Variants in NEIL1 observed in about 807,000 individuals in gnomAD.
NEIL1 encodes endonuclease 8-like 1.
A neutral mutation model predicts 44.2 loss-of-function variants in NEIL1; 31 were observed. The observed-to-expected ratio is 0.70, with a 90% CI of 0.53 to 0.95. The LOEUF (loss-of-function observed/expected upper bound fraction) is 0.95. Ranked by LOEUF, NEIL1 falls within the 40% of genes least tolerant of loss-of-function variation. The pLI, the probability that NEIL1 is intolerant of heterozygous loss-of-function variation, is 0.00. For missense variants in NEIL1, 549 were observed against 515.5 expected, an observed-to-expected ratio of 1.07 and a Z score of -0.63; for synonymous variants, 254 against 209.7, an observed-to-expected ratio of 1.21 and a Z score of -1.83.
In NEIL1 at chr15:75,355,832, C is replaced by T; in HGVS notation, c.*798C>T. On this transcript the variant is annotated 3_prime_UTR_variant, in exon 10 of 10. Transcript: ENST00000355059. Reference sequence around the variant, plus strand: ...TTTATTCCACAAGAAAAGACTGATCCCTGCTTTAGGCTGGGGAAGCAGAAA... The same window carrying T: ...TTTATTCCACAAGAAAAGACTGATCTCTGCTTTAGGCTGGGGAAGCAGAAA... 6.4e-7 allele frequency: 1 copy of T among 1,566,738 alleles called. No individual in the cohort carries two copies. Among genetic ancestry groups the T allele is most frequent in the Non-Finnish European group, 8.7e-7 (1 of 1,144,336 alleles).
At chr15:75,352,492 G>A in intron 4 of NEIL1, 105 bp downstream of exon 4, 1 of 1,544,884 alleles carries the variant, frequency 6.5e-7, no homozygotes, top group East Asian at 2.3e-5. Context: ...CTCAACAACA[G>A]GGGTGGGGAG....
In NEIL1 at chr15:75,356,472, T is replaced by C; in HGVS notation, c.*1438T>C. 6.3e-7 allele frequency: 1 copy of C among 1,582,198 alleles called. No homozygotes were observed. Among genetic ancestry groups the C allele is most frequent in the Non-Finnish European group, 8.6e-7 (1 of 1,165,784 alleles). ...AGCCTGGGGTACGACCAGGAAACAA[T>C]GCTGGTGGAGAATGGGGGCTACCCT... On this transcript the variant is annotated 3_prime_UTR_variant, in exon 10 of 10. Transcript: ENST00000355059. The surrounding 1 kb of genome is among the most constrained non-coding windows in gnomAD (Gnocchi z 5.8).
Position 75,351,274 on chromosome 15 carries a change from C to CTTTTT in NEIL1, c.435-822_435-818dup, listed in dbSNP as rs11422837. The CTTTTT allele has an allele frequency of 3.6e-3, 1,288 of 361,380 alleles. 13 individuals are homozygous for CTTTTT. In the East Asian group the frequency reaches 0.05, roughly 14 times the overall value. 22.4% of individuals were successfully genotyped at this position (361,380 alleles called of 1,614,324 possible). ...CAACCTCATATACAACCTCATGTTGCTTTTTTTTTTTTTTTTTTTGAGACA... is the reference window on the plus strand; with the variant it reads ...CAACCTCATATACAACCTCATGTTGCTTTTTTTTTTTTTTTTTTTTTTTTGAGACA... On this transcript the variant is annotated intron_variant, in intron 2 of 9. Coordinates refer to ENST00000355059, the MANE Select transcript of NEIL1 (RefSeq NM_024608.4).
In NEIL1 at chr15:75,355,777, G is replaced by T; in HGVS notation, c.*743G>T. Reference sequence around the variant, plus strand: ...CAAGCGTGAGGATGGGCCCTAAGGGGACTGAGCAGCAGGGTTCCCGATCCA... The same window carrying T: ...CAAGCGTGAGGATGGGCCCTAAGGGTACTGAGCAGCAGGGTTCCCGATCCA... On this transcript the variant is annotated 3_prime_UTR_variant, in exon 10 of 10. Transcript: ENST00000355059. The T allele has an allele frequency of 8.9e-7, 1 of 1,120,362 alleles. No homozygotes were observed. The highest frequency in any genetic ancestry group is 2.5e-5 in the Admixed American group (1 of 40,388). The allele number at this position is 1,120,362 out of a possible 1,614,324, so 69.4% of individuals were successfully genotyped here.
intron 2 of NEIL1, among the ~76,000 whole-genome samples, chr15:75,350,234 G>A (rs1473172398): frequency 2.0e-5 from 3 of 152,220 alleles, no homozygotes; most frequent in African/African-American, 4.8e-5. Flanking sequence ...AAGAGGAAAC[G>A]TGTATGAGTC....
At chr15:75,349,745 C>A in intron 2 of NEIL1, 1 of 208,740 alleles carries the variant, frequency 4.8e-6, no homozygotes, top group Non-Finnish European at 1.0e-5. Flanking sequence ...GCCGGTGAGG[C>A]CGGGGTTGCA....
intron 2 of NEIL1, 34 bp downstream of exon 2, chr15:75,349,373 G>T: frequency 1.9e-6 from 3 of 1,557,708 alleles, no homozygotes; most frequent in East Asian, 2.3e-5. Flanking sequence ...GAACATAGTC[G>T]CGGGCTCCAC....
rs879212413 is a variant in NEIL1 at position 75,354,146 on chromosome 15, A to C, written c.847-104A>C. On this transcript the variant is annotated intron_variant, in intron 6 of 9. Coordinates refer to ENST00000355059, the MANE Select transcript of NEIL1 (RefSeq NM_024608.4). ...TGTCCTAGAGGCTTCCTAAGGGAGAAGCTACACTGATCTGGATGGGTGTGT... is the reference window on the plus strand; with the variant it reads ...TGTCCTAGAGGCTTCCTAAGGGAGACGCTACACTGATCTGGATGGGTGTGT... 36 of 1,327,088 alleles carry C rather than the reference A, an allele frequency of 2.7e-5. No homozygotes were observed. The South Asian group carries it at 3.3e-4, about 12-fold the overall frequency. 82.2% of individuals were successfully genotyped at this position (1,327,088 alleles called of 1,614,324 possible). A position where few individuals can be genotyped will look rare whatever the true frequency, so the allele number is the denominator to read the frequency against.
rs752590249 is a variant in NEIL1, at chr15:75,356,374, C to G, written c.*1340C>G. 1.9e-6 allele frequency: 3 copies of G among 1,611,668 alleles called. No individual in the cohort carries two copies. Among genetic ancestry groups the G allele is most frequent in the Non-Finnish European group, 2.5e-6 (3 of 1,179,222 alleles). ...ACTCCAGGAGGTGGCGGGCGCTGGG[C>G]TGGGGGCTGGCAGAGCCAACAGGGG... On this transcript the variant is annotated 3_prime_UTR_variant, in exon 10 of 10. Transcript: ENST00000355059. The surrounding 1 kb of genome is among the most constrained non-coding windows in gnomAD (Gnocchi z 5.8).
chr15:75,349,451 T>C (rs2141309883), intron 2 of NEIL1, 112 bp downstream of exon 2: 1 of 1,040,920 alleles, frequency 9.6e-7, no homozygotes. Context: ...GCCTCAGTTC[T>C]CTCATCTGCA....
intron 6 of NEIL1, 137 bp from the exon 7 acceptor site, chr15:75,354,113 A>T: frequency 9.0e-7 from 1 of 1,108,454 alleles, no homozygotes; most frequent in Non-Finnish European, 1.3e-6. Flanking sequence ...GGACTCTAAC[A>T]TGGGGGATGT....
Position 75,352,407 on chromosome 15 carries a change from G to C in NEIL1, c.618+20G>C. On this transcript the variant is annotated intron_variant, in intron 4 of 9. Transcript: ENST00000355059. Reference sequence around the variant, plus strand: ...AGGCCGGTAAGCCCAGAGAGGGATGGAGCACACGTGCTGGCACACTGGTGT... The same window carrying C: ...AGGCCGGTAAGCCCAGAGAGGGATGCAGCACACGTGCTGGCACACTGGTGT... 6.2e-7 allele frequency: 1 copy of C among 1,612,540 alleles called. No individual in the cohort carries two copies. Among genetic ancestry groups the C allele is most frequent in the Non-Finnish European group, 8.5e-7 (1 of 1,179,932 alleles).
rs899728195 is a variant in NEIL1 at position 75,352,161 on chromosome 15, G to A, written c.485G>A (p.Cys162Tyr). 2.5e-6 allele frequency: 4 copies of A among 1,614,174 alleles called. No homozygotes were observed. The highest frequency in any genetic ancestry group is 3.4e-6 in the Non-Finnish European group (4 of 1,180,016). Residue 162 changes from cysteine (C) to tyrosine (Y), a missense_variant, in exon 3 of 10, where the codon TGC becomes TAC. Transcript: ENST00000355059. ...LADKAFDRPI[C>Y]EALLDQRFFN... The stretch of plus-strand genomic sequence containing the variant: ...GATAAGGCCTTTGACCGGCCCATCT[G>A]CGAGGCCCTCCTGGACCAGAGGTTC...
rs774540444 is a variant in NEIL1, at chr15:75,356,198, G to A, written c.*1164G>A. On this transcript the variant is annotated 3_prime_UTR_variant, in exon 10 of 10. Transcript: ENST00000355059. The surrounding 1 kb of genome is among the most constrained non-coding windows in gnomAD (Gnocchi z 5.8). ...TCATACAGCCTCAGGACCAGCGAGC[G>A]GCGCTGGGGGCTGCTCTCCGCCTGC... 40 of 1,613,192 alleles carry A rather than the reference G, an allele frequency of 2.5e-5. No individual in the cohort carries two copies. The highest frequency in any genetic ancestry group is 8.0e-5 in the African/African-American group (6 of 74,920).
At chr15:75,353,555 T>TGGGAAACCCATGGCCGAGTGGG in intron 5 of NEIL1, 184 bp from the exon 6 acceptor site, 1 of 747,642 alleles carries the variant, frequency 1.3e-6, no homozygotes, top group Non-Finnish European at 2.5e-6. Context: ...CACTCCAGGA[T>TGGGAAACCCATGGCCGAGTGGG]GGGAAACCCA....
In NEIL1 at chr15:75,351,101, GAGAAGAATGGACCCTACCAA is replaced by G. The variant is rs1013713286; in HGVS notation, c.435-1009_435-990del. Among the ~76,000 whole-genome samples, 9 of 152,100 alleles carry G rather than the reference GAGAAGAATGGACCCTACCAA, an allele frequency of 5.9e-5. 1 individual carries two copies. The South Asian group carries it at 6.2e-4, about 10-fold the overall frequency. Reference sequence around the variant, plus strand: ...AGAGCCAGACAATGTCCAGGATCTTGAGAAGAATGGACCCTACCAATGGCAAACCCACATATGGTCTCTAA... The same window carrying G: ...AGAGCCAGACAATGTCCAGGATCTTGTGGCAAACCCACATATGGTCTCTAA... On this transcript the variant is annotated intron_variant, in intron 2 of 9. Transcript: ENST00000355059.
At chr15:75,349,375 G>C (rs776853719) in intron 2 of NEIL1, 36 bp downstream of exon 2, 1 of 1,555,216 alleles carries the variant, frequency 6.4e-7, no homozygotes, top group Admixed American at 1.8e-5. Flanking sequence ...ACATAGTCGC[G>C]GGCTCCACAC....
intron 1 of NEIL1, chr15:75,348,593 C>G: frequency 7.8e-7 from 1 of 1,279,956 alleles, no homozygotes; most frequent in Non-Finnish European, 9.9e-7. Context: ...AGCCGCGGCC[C>G]CGCAAGGATT....
rs756485310 is a variant in NEIL1 at position 75,354,418 on chromosome 15, C to T, written c.875-13C>T. 34 of 1,614,166 alleles carry T rather than the reference C, an allele frequency of 2.1e-5. 1 individual carries two copies. In the South Asian group the frequency reaches 3.7e-4, roughly 18 times the overall value. The stretch of plus-strand genomic sequence containing the variant: ...GGATAGGACCCTCCAACTCCAACAC[C>T]AGTGTCCTGCAGGGCGCAAGTCCCG... On this transcript the variant is annotated splice_polypyrimidine_tract_variant and intron_variant, in intron 7 of 9. Transcript: ENST00000355059.
Sources: allele counts gnomAD v4.1 joint callset (sites outside exome capture counted in the v4.1 genomes callset), GRCh38; gene constraint gnomAD v4.1.1; non-coding constraint Gnocchi (gnomAD v3.1); transcripts MANE v1.5; gene names NCBI Gene and HGNC (gene_info 2026-07-23, HGNC 2026-07-21).